Variants in FCHO2 observed in about 807,000 individuals in gnomAD.
The protein encoded by FCHO2 is F-BAR domain only protein 2.
Under a neutral mutation model 114.1 loss-of-function variants are expected in FCHO2, and 43 were observed. The observed-to-expected ratio is 0.38, with a 90% CI of 0.30 to 0.49. The LOEUF (loss-of-function observed/expected upper bound fraction) is 0.49. Among genes scored for constraint, FCHO2 ranks in the 20% least tolerant of loss-of-function variants. FCHO2 has a pLI of 0.97. For missense variants in FCHO2, 807 were observed against 950.4 expected (o/e 0.85, Z 1.98); for synonymous variants, 293 against 315.2 (o/e 0.93, Z 0.75).
At chr5:73,054,023 T>C in intron 13 of FCHO2, 137 bp from the exon 14 acceptor site, 1 of 484,042 alleles carries the variant, frequency 2.1e-6, no homozygotes, top group East Asian at 3.7e-5. Context: ...CTTAACTTTT[T>C]CCCACCTGAC....
chr5:73,009,755 T>C (rs888555150), intron 6 of FCHO2, among the ~76,000 whole-genome samples: 2 of 152,224 alleles, frequency 1.3e-5, no homozygotes, highest in Non-Finnish European at 2.9e-5. Context: ...CAGGGTGGTC[T>C]TGAACTCTTG....
In FCHO2 at chr5:73,015,737, A is replaced by G; in HGVS notation, c.699+13A>G. ...GCAGATAGGCCAGGTAAGTTTTTTT[A>G]CTTTATGTTGAACTATTCATGAAAA... On this transcript the variant is annotated intron_variant, in intron 7 of 25. Coordinates refer to ENST00000430046, the MANE Select transcript of FCHO2 (RefSeq NM_138782.3). 1.3e-6 allele frequency: 2 copies of G among 1,504,342 alleles called. No individual in the cohort carries two copies. The allele number at this position is 1,504,342 out of a possible 1,614,324, so 93.2% of individuals were successfully genotyped here. A position where few individuals can be genotyped will look rare whatever the true frequency, so the allele number is the denominator to read the frequency against.
At chr5:73,000,956 G>A (rs1163380102) in intron 5 of FCHO2, among the ~76,000 whole-genome samples, 1 of 150,064 alleles carries the variant, frequency 6.7e-6, no homozygotes, top group Non-Finnish European at 1.5e-5. Flanking sequence ...TTTTTATGAT[G>A]AGGCCATTCA....
intron 1 of FCHO2, among the ~76,000 whole-genome samples, chr5:72,958,016 G>T (rs1358900511): frequency 8.0e-5 from 12 of 149,180 alleles, no homozygotes; most frequent in South Asian, 2.1e-4. Flanking sequence ...AAATTGGGTT[G>T]TCTTTTTTTA....
rs1441937482 is a variant in FCHO2, at chr5:72,956,082, C to T, written c.-15C>T. 6 of 1,538,880 alleles carry T rather than the reference C, an allele frequency of 3.9e-6. No homozygotes were observed. The highest frequency in any genetic ancestry group is 5.3e-6 in the Non-Finnish European group (6 of 1,141,950). On this transcript the variant is annotated 5_prime_UTR_variant, in exon 1 of 26. Transcript: ENST00000430046. ...GGGCGGGCGCGGACGCGGAACCCGG[C>T]GCGGCGGCGGCACGATGGTCATGGC...
chr5:73,015,865 A>C, intron 7 of FCHO2, 141 bp downstream of exon 7: 2 of 433,510 alleles, frequency 4.6e-6, no homozygotes, highest in Non-Finnish European at 8.2e-6. Context: ...AAGATAATAT[A>C]TTTACATGTA....
At chr5:73,021,463 C>G (rs1755620214) in intron 8 of FCHO2, among the ~76,000 whole-genome samples, 1 of 152,124 alleles carries the variant, frequency 6.6e-6, no homozygotes, top group Non-Finnish European at 1.5e-5. Flanking sequence ...TACATGCTTC[C>G]TTTTTTCCTT....
At chr5:72,972,054 A>G (rs1295271513) in intron 2 of FCHO2, among the ~76,000 whole-genome samples, 2 of 151,758 alleles carry the variant, frequency 1.3e-5, no homozygotes, top group African/African-American at 2.4e-5. Flanking sequence ...TGTTCCATTG[A>G]TCTATATCTC....
rs1355795278 is a variant in FCHO2 at position 73,037,146 on chromosome 5, T to C, written c.845T>C (p.Ile282Thr). 6.4e-7 allele frequency: 1 copy of C among 1,570,624 alleles called. No homozygotes were observed. Among genetic ancestry groups the C allele is most frequent in the East Asian group, 2.3e-5 (1 of 43,994 alleles). ...ECDTASAVEG[I>T]KPRKRKTFAL... ...ACAATATATATTTATTTTAAAGGTA[T>C]AAAACCAAGGAAAAGAAAGACCTTT... The change falls in exon 10 of 26, where the codon ATA becomes ACA. Residue 282 changes from isoleucine to threonine, a missense_variant. Physicochemically the swap from Ile to Thr is moderately conservative, Grantham distance 89 (BLOSUM62 -1). Transcript: ENST00000430046.
intron 9 of FCHO2, among the ~76,000 whole-genome samples, chr5:73,036,485 C>G (rs955712688): frequency 1.3e-5 from 2 of 151,974 alleles, no homozygotes; most frequent in East Asian, 3.9e-4. Flanking sequence ...GCAATCCTCT[C>G]ACCCCAGCCT....
At chr5:72,966,049 T>C (rs1752182671) in intron 1 of FCHO2, among the ~76,000 whole-genome samples, 1 of 152,180 alleles carries the variant, frequency 6.6e-6, no homozygotes, top group Admixed American at 6.5e-5. Context: ...ATACAATCTA[T>C]CTTCTGCCTA....
intron 10 of FCHO2, among the ~76,000 whole-genome samples, chr5:73,039,393 A>T (rs1269575411): frequency 6.6e-6 from 1 of 152,196 alleles, no homozygotes; most frequent in African/African-American, 2.4e-5. Context: ...AACTCTTTGG[A>T]ACTTTAACAC....
intron 18 of FCHO2, among the ~76,000 whole-genome samples, chr5:73,065,243 T>C (rs1166220745): frequency 3.3e-5 from 5 of 152,080 alleles, no homozygotes; most frequent in Admixed American, 3.3e-4. Flanking sequence ...TTCATTCTCT[T>C]TTTTAAATCG....
chr5:73,015,471 C>G (rs1001582898), intron 6 of FCHO2, among the ~76,000 whole-genome samples, 155 bp from the exon 7 acceptor site: 1 of 152,028 alleles, frequency 6.6e-6, no homozygotes, highest in African/African-American at 2.4e-5. Context: ...CCATGTTGGC[C>G]AGGCTGGTCT....
intron 6 of FCHO2, among the ~76,000 whole-genome samples, chr5:73,010,055 G>C (rs528923191): frequency 6.6e-6 from 1 of 152,168 alleles, no homozygotes; most frequent in South Asian, 2.1e-4. Flanking sequence ...ACTTTAATTT[G>C]GGTTAGTTTA....
intron 5 of FCHO2, among the ~76,000 whole-genome samples, chr5:72,996,766 T>G (rs1476657532): frequency 6.6e-6 from 1 of 152,188 alleles, no homozygotes; most frequent in African/African-American, 2.4e-5. Flanking sequence ...GGGGTGACTT[T>G]CTGAGCCGCT....
At chr5:73,041,811 C>A (rs1756818591) in intron 11 of FCHO2, among the ~76,000 whole-genome samples, 1 of 151,992 alleles carries the variant, frequency 6.6e-6, no homozygotes, top group Admixed American at 6.5e-5. Context: ...AAATGTATTT[C>A]TTTATGTGTA....
At chr5:73,038,435 G>T (rs1042419315) in intron 10 of FCHO2, among the ~76,000 whole-genome samples, 1 of 152,108 alleles carries the variant, frequency 6.6e-6, no homozygotes, top group African/African-American at 2.4e-5. Context: ...AAGAGACACC[G>T]ATCAAAAGTC....
chr5:73,082,836 G>A lies in FCHO2; in HGVS notation c.2245+11G>A, dbSNP rs370020663. The A allele has an allele frequency of 5.1e-6, 8 of 1,568,706 alleles. No individual in the cohort carries two copies. The Admixed American group carries it at 8.1e-5, about 16-fold the overall frequency. On this transcript the variant is annotated intron_variant, in intron 24 of 25. Coordinates refer to ENST00000430046, the MANE Select transcript of FCHO2 (RefSeq NM_138782.3). ...AATCAGAAAATGGAGGTAAGTGTGTGTGTCCTTTTTTATTTATAAAATGAT... is the reference window on the plus strand; with the variant it reads ...AATCAGAAAATGGAGGTAAGTGTGTATGTCCTTTTTTATTTATAAAATGAT...
Sources: gnomAD v4.1 joint callset for allele counts (sites outside exome capture counted in the v4.1 genomes callset) on GRCh38, gnomAD v4.1.1 for gene constraint, MANE v1.5 for transcripts, NCBI Gene and HGNC (gene_info 2026-07-23, HGNC 2026-07-21) for gene names.